The following WDR47 variants were observed in gnomAD, a reference collection of about 807,000 sequenced individuals.
WDR47 encodes the protein WD repeat domain 47.
In WDR47, 32 loss-of-function variants were observed where a neutral mutation model predicts 97.2. The observed-to-expected ratio is 0.33, with a 90% CI of 0.25 to 0.44. The LOEUF (loss-of-function observed/expected upper bound fraction) is 0.44, where lower values mean the gene tolerates loss of function less well. Ranked by LOEUF, WDR47 falls within the 20% of genes least tolerant of loss-of-function variation. The pLI is 1.00. For synonymous variants in WDR47, 375 were observed against 373.5 expected, an observed-to-expected ratio of 1.00 and a Z score of -0.05; for missense variants, 782 against 1,102.3, an observed-to-expected ratio of 0.71 and a Z score of 4.11.
At chr1:109,022,196 A>T (rs894473746) in intron 2 of WDR47, among the ~76,000 whole-genome samples, 8 of 152,154 alleles carry the variant, frequency 5.3e-5, no homozygotes, top group Non-Finnish European at 1.5e-5. Flanking sequence ...AAACCTTGTG[A>T]TGTTAATAGA....
chr1:109,009,460 TAG>T (rs1660872952), intron 5 of WDR47, among the ~76,000 whole-genome samples: 1 of 152,326 alleles, frequency 6.6e-6, no homozygotes, highest in African/African-American at 2.4e-5. Flanking sequence ...TGGAAATAAT[TAG>T]AGTTTTAAGT....
At chr1:108,986,745 C>T (rs1658858660) in intron 9 of WDR47, 65 bp from the exon 10 acceptor site, 1 of 1,328,278 alleles carries the variant, frequency 7.5e-7, no homozygotes, top group South Asian at 1.5e-5. Flanking sequence ...TCATCTTTCT[C>T]CCATTTTAAA....
chr1:109,011,789 G>A (rs1661052086), intron 4 of WDR47, 71 bp from the exon 5 acceptor site: 4 of 1,381,476 alleles, frequency 2.9e-6, no homozygotes, highest in Non-Finnish European at 2.0e-6. Flanking sequence ...AACGACAAGA[G>A]TACAAAGAAT....
At chr1:109,000,693 A>G (rs2101897886) in intron 7 of WDR47, among the ~76,000 whole-genome samples, 1 of 151,900 alleles carries the variant, frequency 6.6e-6, no homozygotes, top group East Asian at 1.9e-4. Flanking sequence ...AAAAGAACAA[A>G]CAAACAAAAA....
chr1:109,004,772 ATATTT>A, intron 5 of WDR47, 57 bp from the exon 6 acceptor site: 1 of 1,520,690 alleles, frequency 6.6e-7, no homozygotes, highest in Non-Finnish European at 8.8e-7. Context: ...AAAGGAAAAT[ATATTT>A]TAGTTAGAGA....
intron 13 of WDR47, among the ~76,000 whole-genome samples, chr1:108,977,092 G>GATC (rs1657960665): frequency 6.6e-6 from 1 of 152,194 alleles, no homozygotes; most frequent in Non-Finnish European, 1.5e-5. Context: ...GTTGAGAGAT[G>GATC]ATGGTGGTTT....
intron 1 of WDR47, among the ~76,000 whole-genome samples, chr1:109,038,357 A>C (rs1263958140): frequency 1.3e-5 from 2 of 152,204 alleles, no homozygotes; most frequent in African/African-American, 4.8e-5. Context: ...GAATAAGCTT[A>C]CTTATTTTTG....
chr1:108,979,162 G>A (rs1293848899), intron 13 of WDR47, among the ~76,000 whole-genome samples: 1 of 152,124 alleles, frequency 6.6e-6, no homozygotes, highest in Non-Finnish European at 1.5e-5. Context: ...GAGAAAAGTG[G>A]CCTGAAAATA....
rs766558913 is a variant in WDR47 at position 108,983,464 on chromosome 1, A to G, written c.1926-13T>C. 1.5e-5 allele frequency: 23 copies of G among 1,532,570 alleles called. No individual in the cohort carries two copies. The South Asian group carries it at 2.8e-4, about 19-fold the overall frequency. 94.9% of individuals were successfully genotyped at this position (1,532,570 alleles called of 1,614,324 possible). A position where few individuals can be genotyped will look rare whatever the true frequency, so the allele number is the denominator to read the frequency against. ...AGTCTCATGTGCACTGAAAAGAAAA[A>G]TTACAGAAATATATTTCAATTTCTT... On this transcript the variant is annotated splice_polypyrimidine_tract_variant and intron_variant, in intron 10 of 14. Coordinates refer to ENST00000369962, the MANE Select transcript of WDR47 (RefSeq NM_001142551.2).
At chr1:108,971,657 A>G in intron 14 of WDR47, 85 bp from the exon 15 acceptor site, 1 of 1,456,696 alleles carries the variant, frequency 6.9e-7, no homozygotes, top group South Asian at 1.3e-5. Context: ...TTAAGACATT[A>G]CAGTATAAAA....
At position 108,988,539 on chromosome 1, in the gene WDR47, G is replaced by A. The variant is rs540204164; in HGVS notation, c.1768-1859C>T. On this transcript the variant is annotated intron_variant, in intron 9 of 14. Coordinates refer to ENST00000369962, the MANE Select transcript of WDR47 (RefSeq NM_001142551.2). Reference sequence around the variant, plus strand: ...AAGAAAAATAATACAAAAATTAGCCGGGTGTGGTGGCGCATGCCCGTAGTC... The same window carrying A: ...AAGAAAAATAATACAAAAATTAGCCAGGTGTGGTGGCGCATGCCCGTAGTC... Among the ~76,000 whole-genome samples the A allele has an allele frequency of 1.0e-3, 152 of 151,792 alleles. No individual in the cohort carries two copies. The South Asian group carries it at 0.019, about 19-fold the overall frequency.
chr1:108,982,551 A>T lies in WDR47; in HGVS notation c.2266+58T>A, dbSNP rs1304910809. On this transcript the variant is annotated intron_variant, in intron 12 of 14. Coordinates refer to ENST00000369962, the MANE Select transcript of WDR47 (RefSeq NM_001142551.2). Reference sequence around the variant, plus strand: ...TCTTAGAAAAGAAAATGCAGAGAGGAAAAAAAAGCACAGATTGAACAAAAA... The same window carrying T: ...TCTTAGAAAAGAAAATGCAGAGAGGTAAAAAAAGCACAGATTGAACAAAAA... 4.0e-6 allele frequency: 6 copies of T among 1,516,418 alleles called. No homozygotes were observed. In the African/African-American group the frequency reaches 7.0e-5, roughly 18 times the overall value. 93.9% of individuals were successfully genotyped at this position (1,516,418 alleles called of 1,614,324 possible).
chr1:109,020,549 A>T (rs1214582819), intron 2 of WDR47, among the ~76,000 whole-genome samples: 1 of 152,166 alleles, frequency 6.6e-6, no homozygotes, highest in African/African-American at 2.4e-5. Context: ...GGCGTGAGCC[A>T]CTGTGCCCAG....
At chr1:108,987,578 C>T (rs111559566) in intron 9 of WDR47, among the ~76,000 whole-genome samples, 5,938 of 152,166 alleles carry the variant, frequency 0.039, 398 homozygotes, top group African/African-American at 0.14. Context: ...AGTGATTCTC[C>T]TGCCTCAGCC....
At position 109,013,884 on chromosome 1, in the gene WDR47, A is replaced by G. The variant is rs539467708; in HGVS notation, c.284T>C (p.Leu95Ser). ...TGCTGACATCGCGTTGTTAACACAT[A>G]AAGCTTCTAAAAACTTCTGCTTCAG... ...IILKQKFLEA[L>S]CVNNAMSAED... Residue 95 changes from leucine (L) to serine (S), a missense_variant, in exon 4 of 15, where the codon TTA becomes TCA. By Grantham distance (145) the Leu-to-Ser change is moderately radical. Around this residue, in one of 3 missense-constraint regions of WDR47, gnomAD observed 428 missense variants for 584.3 expected, o/e 0.73. Transcript: ENST00000369962. 6.2e-7 allele frequency: 1 copy of G among 1,613,164 alleles called. No individual in the cohort carries two copies. Among genetic ancestry groups the G allele is most frequent in the South Asian group, 1.1e-5 (1 of 90,882 alleles).
At chr1:109,028,538 A>T (rs2102021205) in intron 1 of WDR47, among the ~76,000 whole-genome samples, 2 of 147,816 alleles carry the variant, frequency 1.4e-5, no homozygotes, top group South Asian at 2.1e-4. Flanking sequence ...AATTGTTTTC[A>T]AAAACTTACT....
intron 1 of WDR47, among the ~76,000 whole-genome samples, chr1:109,024,271 G>A (rs1438442956): frequency 6.6e-6 from 1 of 152,082 alleles, no homozygotes; most frequent in African/African-American, 2.4e-5. Context: ...GGGAACCATG[G>A]CAAAACCACA....
intron 1 of WDR47, among the ~76,000 whole-genome samples, chr1:109,039,867 C>G (rs1314879308): frequency 1.3e-5 from 2 of 151,836 alleles, no homozygotes; most frequent in East Asian, 3.9e-4. Flanking sequence ...GAAACCCCAT[C>G]TCTACTAAAA....
intron 7 of WDR47, among the ~76,000 whole-genome samples, chr1:109,001,597 G>C (rs1398983996): frequency 1.3e-5 from 2 of 152,120 alleles, no homozygotes; most frequent in East Asian, 1.9e-4. Context: ...GAAGAAATAA[G>C]AAGTAGATAA....
Sources: gnomAD v4.1 joint callset for allele counts (sites outside exome capture counted in the v4.1 genomes callset) on GRCh38, gnomAD v4.1.1 for gene constraint, gnomAD v4.1.1 regional missense constraint, MANE v1.5 for transcripts, NCBI Gene and HGNC (gene_info 2026-07-23, HGNC 2026-07-21) for gene names.